The following BATF2 variants were observed in gnomAD, a reference collection of about 807,000 sequenced individuals.
BATF2 encodes the protein basic leucine zipper ATF-like transcription factor 2, also known as basic leucine zipper transcriptional factor ATF-like 2.
BATF2 carries 4 observed loss-of-function variants against 7.3 expected under a neutral mutation model. The observed-to-expected ratio is 0.55, with a 90% confidence interval of 0.27 to 1.26. The LOEUF (loss-of-function observed/expected upper bound fraction) is 1.26. Ranked by LOEUF, BATF2 falls within the 50% of genes most tolerant of loss-of-function variation. BATF2 has a pLI of 0.11. For missense variants in BATF2, 295 were observed against 340.5 expected, an observed-to-expected ratio of 0.87 and a Z score of 1.05; for synonymous variants, 152 against 153.9, an observed-to-expected ratio of 0.99 and a Z score of 0.09.
intron 2 of BATF2, chr11:64,990,346 A>G: frequency 6.9e-7 from 1 of 1,454,626 alleles, no homozygotes. Flanking sequence ...CTGCCTGGAC[A>G]CCCTTCCGCC....
At position 64,996,959 on chromosome 11, in the gene BATF2, C is replaced by T. The variant is rs1369342275; in HGVS notation, c.-45G>A. On this transcript the variant is annotated 5_prime_UTR_variant, in exon 1 of 3. Transcript: ENST00000301887. Reference sequence around the variant, plus strand: ...AGTGGTCCCTCAGCAGCTGTGACTTCCCAGTGCCCTCTGGAGGCCTAAGGA... The same window carrying T: ...AGTGGTCCCTCAGCAGCTGTGACTTTCCAGTGCCCTCTGGAGGCCTAAGGA... 3 of 1,533,060 alleles carry T rather than the reference C, an allele frequency of 2.0e-6. No homozygotes were observed. In the African/African-American group the frequency reaches 4.2e-5, roughly 21 times the overall value. The allele number at this position is 1,533,060 out of a possible 1,614,324, so 95.0% of individuals were successfully genotyped here.
Position 64,994,459 on chromosome 11 carries a change from C to G in BATF2, c.130G>C (p.Ala44Pro). The change falls in exon 2 of 3, where the codon GCC (alanine) becomes CCC (proline). Residue 44 changes from alanine (A) to proline (P), a missense_variant. Coordinates refer to ENST00000301887, the MANE Select transcript of BATF2 (RefSeq NM_138456.4). ...SRQKHTDKAD[A>P]LHQQHESLEK... is the part of the protein sequence containing the mutation. ...GGGGTTGTCCACACCTGGTGCAGGG[C>G]GTCTGCCTTGTCTGTGTGCTTCTGC... 1 of 1,585,390 alleles carries G rather than the reference C, an allele frequency of 6.3e-7. No homozygotes were observed. Among genetic ancestry groups the G allele is most frequent in the Non-Finnish European group, 8.6e-7 (1 of 1,165,544 alleles).
intron 2 of BATF2, among the ~76,000 whole-genome samples, chr11:64,992,642 A>G (rs975394473): frequency 1.3e-5 from 2 of 148,946 alleles, no homozygotes; most frequent in African/African-American, 2.5e-5. Context: ...AGGTGGATCA[A>G]TTGAGTCCAG....
At position 64,988,945 on chromosome 11, in the gene BATF2, T is replaced by G; in HGVS notation, c.*184A>C. On this transcript the variant is annotated 3_prime_UTR_variant, in exon 3 of 3. Transcript: ENST00000301887. ...GGTCAACTGTGAGGTTGAAATAAGA[T>G]ATTGGTGGTGACAGGGCCTGTCACA... The G allele has an allele frequency of 8.2e-6, 5 of 611,858 alleles. No homozygotes were observed. Among genetic ancestry groups the G allele is most frequent in the Non-Finnish European group, 8.8e-6 (3 of 339,662 alleles). The allele number at this position is 611,858 out of a possible 1,614,324, so 37.9% of individuals were successfully genotyped here.
In BATF2 at chr11:64,989,696, CA is replaced by C; in HGVS notation, c.257del (p.Met86ArgfsTer224). On this transcript the variant is annotated frameshift_variant, in exon 3 of 3. Coordinates refer to ENST00000301887, the MANE Select transcript of BATF2 (RefSeq NM_138456.4). LOFTEE classifies it low-confidence loss of function (END_TRUNC). This position sits in a 1 kb window ranked among gnomAD's most constrained non-coding sequence, Gnocchi z 4.3. ...TLHVHERLCP[M>X]DCASCSAPGL... is the part of the protein sequence containing the mutation. ...CTGGAGCTGAGCAGGAGGCACAATC[CA>C]TGGGGCACAGGCGCTCATGCACGTG... 6.2e-7 allele frequency: 1 copy of C among 1,613,908 alleles called. No homozygotes were observed. The highest frequency in any genetic ancestry group is 1.7e-5 in the Admixed American group (1 of 60,014).
rs11231918 is a variant in BATF2 at position 64,989,054 on chromosome 11, G to A, written c.*75C>T. The A allele has an allele frequency of 9.3e-3, 14,183 of 1,522,520 alleles. 112 individuals carry two copies. Among genetic ancestry groups the A allele is most frequent in the Middle Eastern group, 0.027 (161 of 5,872 alleles). The allele number at this position is 1,522,520 out of a possible 1,614,324, so 94.3% of individuals were successfully genotyped here. A position where few individuals can be genotyped will look rare whatever the true frequency, so the allele number is the denominator to read the frequency against. On this transcript the variant is annotated 3_prime_UTR_variant, in exon 3 of 3. Transcript: ENST00000301887. The surrounding 1 kb of genome is among the most constrained non-coding windows in gnomAD (Gnocchi z 4.3). The stretch of plus-strand genomic sequence containing the variant: ...GCCACGCAGGGCAGCACCCAGTAGT[G>A]AGGGAGGAGAGGCCCGTGTGCTAAG...
chr11:64,996,744 A>G, intron 1 of BATF2, 132 bp downstream of exon 1: 4 of 1,074,304 alleles, frequency 3.7e-6, no homozygotes, highest in Non-Finnish European at 5.4e-6. Flanking sequence ...GGGCATGCAG[A>G]GCCCTCTGTC....
chr11:64,991,848 G>A (rs539222281), intron 2 of BATF2, among the ~76,000 whole-genome samples: 18 of 152,244 alleles, frequency 1.2e-4, no homozygotes, highest in Non-Finnish European at 2.1e-4. Context: ...AGGAATAAAC[G>A]GATGCGTGGG....
chr11:64,990,162 T>A, intron 2 of BATF2: 1 of 1,535,704 alleles, frequency 6.5e-7, no homozygotes, highest in East Asian at 2.4e-5. Context: ...ATGTCATTAA[T>A]TGCAGGTTAA....
chr11:64,989,026 T>G lies in BATF2; in HGVS notation c.*103A>C. ...GACTGTGAAATCCTGGGCCAGCTGG[T>G]CAGCCACGCAGGGCAGCACCCAGTA... is the stretch of plus-strand genomic sequence containing the variant. On this transcript the variant is annotated 3_prime_UTR_variant, in exon 3 of 3. Transcript: ENST00000301887. The surrounding 1 kb of genome is among the most constrained non-coding windows in gnomAD (Gnocchi z 4.3). 3.7e-6 allele frequency: 5 copies of G among 1,342,280 alleles called. No homozygotes were observed. In the Middle Eastern group the frequency reaches 7.5e-4, roughly 202 times the overall value. The allele number at this position is 1,342,280 out of a possible 1,614,324, so 83.1% of individuals were successfully genotyped here.
chr11:64,990,766 A>G (rs1946069288), intron 2 of BATF2: 2 of 479,746 alleles, frequency 4.2e-6, no homozygotes, highest in Non-Finnish European at 5.4e-6. Flanking sequence ...GGTGTTTTGC[A>G]TAAAAATGTG....
chr11:64,994,760 G>T (rs1310573884), intron 1 of BATF2, among the ~76,000 whole-genome samples: 1 of 152,196 alleles, frequency 6.6e-6, no homozygotes, highest in East Asian at 1.9e-4. Context: ...CCTGCTCACC[G>T]CTCATGTGGA....
chr11:64,990,258 C>T, intron 2 of BATF2: 7 of 1,526,676 alleles, frequency 4.6e-6, no homozygotes, highest in Non-Finnish European at 6.1e-6. Context: ...GGTCTCCTCT[C>T]TCTCGCCTTC....
At chr11:64,990,551 A>T in intron 2 of BATF2, 1 of 1,096,096 alleles carries the variant, frequency 9.1e-7, no homozygotes, top group Non-Finnish European at 1.1e-6. Flanking sequence ...ATCAGCATTT[A>T]TTAAGTTCTG....
At chr11:64,995,096 G>A (rs1019670840) in intron 1 of BATF2, among the ~76,000 whole-genome samples, 1 of 152,202 alleles carries the variant, frequency 6.6e-6, no homozygotes, top group South Asian at 2.1e-4. Context: ...CTGACCTCAG[G>A]TGATTCACCA....
chr11:64,995,252 G>A (rs12290575), intron 1 of BATF2, among the ~76,000 whole-genome samples: 2,489 of 152,260 alleles, frequency 0.016, 78 homozygotes, highest in African/African-American at 0.055. Flanking sequence ...GCCCAGAGCC[G>A]GCGTGCCATA....
chr11:64,992,438 ATG>A (rs1946084182), intron 2 of BATF2, among the ~76,000 whole-genome samples: 1 of 151,844 alleles, frequency 6.6e-6, no homozygotes, highest in Non-Finnish European at 1.5e-5. Context: ...TCCAAAATTT[ATG>A]TGTTGAAGCC....
chr11:64,993,682 G>A (rs544283881), intron 2 of BATF2, among the ~76,000 whole-genome samples: 2 of 152,298 alleles, frequency 1.3e-5, no homozygotes, highest in South Asian at 2.1e-4. Context: ...AGTTCTCACA[G>A]TATGGTCTTG....
Position 64,989,058 on chromosome 11 carries a change from G to A in BATF2, c.*71C>T. 4 of 1,536,704 alleles carry A rather than the reference G, an allele frequency of 2.6e-6. No individual in the cohort carries two copies. The highest frequency in any genetic ancestry group is 3.6e-6 in the Non-Finnish European group (4 of 1,110,710). On this transcript the variant is annotated 3_prime_UTR_variant, in exon 3 of 3. Transcript: ENST00000301887. The surrounding 1 kb of genome is among the most constrained non-coding windows in gnomAD (Gnocchi z 4.3). Reference sequence around the variant, plus strand: ...CGCAGGGCAGCACCCAGTAGTGAGGGAGGAGAGGCCCGTGTGCTAAGGCTG... The same window carrying A: ...CGCAGGGCAGCACCCAGTAGTGAGGAAGGAGAGGCCCGTGTGCTAAGGCTG...
Sources: allele counts gnomAD v4.1 joint callset (sites outside exome capture counted in the v4.1 genomes callset), GRCh38; gene constraint gnomAD v4.1.1; non-coding constraint Gnocchi (gnomAD v3.1); transcripts MANE v1.5; gene names NCBI Gene and HGNC (gene_info 2026-07-23, HGNC 2026-07-21).